Variants in DNMT3B observed in about 807,000 individuals in gnomAD.
DNMT3B encodes the protein DNA (cytosine-5)-methyltransferase 3B.
A neutral mutation model predicts 120.2 loss-of-function variants in DNMT3B; 37 were observed. The observed-to-expected ratio is 0.31, with a 90% CI of 0.24 to 0.40. The LOEUF (loss-of-function observed/expected upper bound fraction) is 0.40, where lower values mean the gene tolerates loss of function less well. Among genes scored for constraint, DNMT3B ranks in the 10% least tolerant of loss-of-function variants. The pLI, the probability that DNMT3B is intolerant of heterozygous loss-of-function variation, is 1.00. For missense variants in DNMT3B, 878 were observed against 1,137.3 expected, an observed-to-expected ratio of 0.77 and a Z score of 3.28; for synonymous variants, 412 against 442.8, an observed-to-expected ratio of 0.93 and a Z score of 0.87.
chr20:32,802,910 C>T (rs1008178331), intron 20 of DNMT3B, among the ~76,000 whole-genome samples: 1 of 152,198 alleles, frequency 6.6e-6, no homozygotes, highest in Non-Finnish European at 1.5e-5. Context: ...AGGGATCTCT[C>T]AAGACTTGAG....
rs781314471 is a variant in DNMT3B at position 32,791,619 on chromosome 20, G to A, written c.832G>A (p.Val278Met). ...CTTTTAGGTCTCTGCAGACAAACTG[G>A]TGGCACTGGGGCTGTTCAGCCAGCA... is the stretch of plus-strand genomic sequence containing the variant. ...KFSEVSADKL[V>M]ALGLFSQHFN... Residue 278 changes from valine to methionine, a missense_variant, in exon 8 of 23, where the codon GTG becomes ATG. This residue lies in a region of DNMT3B where 50 missense variants were observed against 89.7 expected (regional missense o/e 0.56). Transcript: ENST00000328111. 1 of 1,614,134 alleles carries A rather than the reference G, an allele frequency of 6.2e-7. No individual in the cohort carries two copies. The highest frequency in any genetic ancestry group is 2.2e-5 in the East Asian group (1 of 44,882).
chr20:32,786,630 T>A lies in DNMT3B; in HGVS notation c.432+3T>A. On this transcript the variant is annotated splice_donor_region_variant and intron_variant, in intron 5 of 22. Coordinates refer to ENST00000328111, the MANE Select transcript of DNMT3B (RefSeq NM_006892.4). ...CCGTGGAGTTCCCGGCTACCAGGGT[T>A]GGTTCCCCAGATGCCCAGACCCCTG... The A allele has an allele frequency of 6.2e-7, 1 of 1,613,832 alleles. No individual in the cohort carries two copies. The highest frequency in any genetic ancestry group is 8.5e-7 in the Non-Finnish European group (1 of 1,180,050).
chr20:32,779,022 C>T (rs1988227085), intron 1 of DNMT3B, among the ~76,000 whole-genome samples: 1 of 152,120 alleles, frequency 6.6e-6, no homozygotes, highest in African/African-American at 2.4e-5. Flanking sequence ...GGTTGTCTGG[C>T]AGGGGCTGGT....
At chr20:32,799,044 T>C (rs906567623) in intron 15 of DNMT3B, among the ~76,000 whole-genome samples, 200 bp from the exon 16 acceptor site, 3 of 152,200 alleles carry the variant, frequency 2.0e-5, no homozygotes, top group African/African-American at 7.2e-5. Flanking sequence ...TGTCCAAGGA[T>C]AAATTGACCA....
chr20:32,762,538 C>A lies in DNMT3B; in HGVS notation c.-168C>A, dbSNP rs769753862. ...GCGAGCGGGCGGCAACGCTGCCCGGCCGGCAGCGCTGGGGTTAAGTGGCCC... is the reference window on the plus strand; with the variant it reads ...GCGAGCGGGCGGCAACGCTGCCCGGACGGCAGCGCTGGGGTTAAGTGGCCC... On this transcript the variant is annotated 5_prime_UTR_variant, in exon 1 of 23. Transcript: ENST00000328111. 7 of 334,366 alleles carry A rather than the reference C, an allele frequency of 2.1e-5. No individual in the cohort carries two copies. The highest frequency in any genetic ancestry group is 1.4e-4 in the South Asian group (6 of 44,058). 20.7% of individuals were successfully genotyped at this position (334,366 alleles called of 1,614,324 possible). A position where few individuals can be genotyped will look rare whatever the true frequency, so the allele number is the denominator to read the frequency against.
At chr20:32,779,968 C>A in intron 1 of DNMT3B, 1 of 1,050,598 alleles carries the variant, frequency 9.5e-7, no homozygotes, top group Non-Finnish European at 1.4e-6. Flanking sequence ...AGGCTGGCGG[C>A]AGACGGGCCG....
intron 1 of DNMT3B, chr20:32,779,769 G>A (rs1978351872): frequency 2.2e-6 from 1 of 445,688 alleles, no homozygotes; most frequent in Admixed American, 3.5e-5. Flanking sequence ...GGGTGAGGCG[G>A]GGCTTGTGCT....
At position 32,780,367 on chromosome 20, in the gene DNMT3B, GCGGGAGGGAAGACTCGATCCTCGTCAA is replaced by G. The variant is rs1305566459; in HGVS notation, c.49_75del (p.Arg17_Gly25del). 1 of 1,614,042 alleles carries G rather than the reference GCGGGAGGGAAGACTCGATCCTCGTCAA, an allele frequency of 6.2e-7. No individual in the cohort carries two copies. Among genetic ancestry groups the G allele is most frequent in the Admixed American group, 1.7e-5 (1 of 60,018 alleles). ...CATCTCAATGGAGAGGAGGACGCCG[GCGGGAGGGAAGACTCGATCCTCGTCAA>G]CGGGGCCTGCAGCGACCAGTCCTCC... On this transcript the variant is annotated inframe_deletion, in exon 2 of 23. Transcript: ENST00000328111.
intron 21 of DNMT3B, among the ~76,000 whole-genome samples, 183 bp from the exon 22 acceptor site, chr20:32,806,026 T>C (rs577651897): frequency 1.3e-5 from 2 of 152,248 alleles, no homozygotes; most frequent in African/African-American, 4.8e-5. Flanking sequence ...CTCCCTGCCC[T>C]GCCATTCCTC....
At chr20:32,779,977 C>A (rs1227380729) in intron 1 of DNMT3B, 1 of 1,156,778 alleles carries the variant, frequency 8.6e-7, no homozygotes, top group South Asian at 1.4e-5. Context: ...GCAGACGGGC[C>A]GGGACAGGCA....
At chr20:32,789,152 T>G in intron 7 of DNMT3B, 140 bp downstream of exon 7, 7 of 1,318,184 alleles carry the variant, frequency 5.3e-6, no homozygotes, top group Non-Finnish European at 7.2e-6. Flanking sequence ...AGGACAAAAC[T>G]TCCTGTGTTA....
intron 3 of DNMT3B, among the ~76,000 whole-genome samples, 194 bp downstream of exon 3, chr20:32,781,608 G>A (rs966920417): frequency 6.6e-6 from 1 of 152,208 alleles, no homozygotes; most frequent in African/African-American, 2.4e-5. Flanking sequence ...CTCTAATATG[G>A]TAGTCCCCTC....
intron 10 of DNMT3B, 64 bp downstream of exon 10, chr20:32,793,659 A>G (rs1980259238): frequency 6.4e-7 from 1 of 1,574,586 alleles, no homozygotes; most frequent in Admixed American, 1.7e-5. Flanking sequence ...ATTTCTTTGC[A>G]TATAAAATGG....
rs770074893 is a variant in DNMT3B at position 32,795,494 on chromosome 20, T to C, written c.1212T>C (p.Tyr404=). Residue 404 remains tyrosine, a synonymous_variant, in exon 11 of 23, where the codon TAT becomes TAC. Coordinates refer to ENST00000328111, the MANE Select transcript of DNMT3B (RefSeq NM_006892.4). The part of the protein sequence containing the change: ...PAPKRLKTNC[Y]NNGKDRGDED... ...CCAAGCGCCTCAAGACAAATTGCTA[T>C]AACAACGGCAAAGACCGAGGGGATG... 32 of 1,614,028 alleles carry C rather than the reference T, an allele frequency of 2.0e-5. No homozygotes were observed. The highest frequency in any genetic ancestry group is 2.3e-5 in the Non-Finnish European group (27 of 1,180,046).
intron 9 of DNMT3B, 88 bp downstream of exon 9, chr20:32,792,858 C>T (rs1980149538): frequency 1.3e-6 from 2 of 1,571,494 alleles, no homozygotes; most frequent in African/African-American, 1.4e-5. Context: ...TGCCCCACAC[C>T]CCACCCAGCT....
intron 22 of DNMT3B, among the ~76,000 whole-genome samples, chr20:32,806,636 A>T (rs150279869): frequency 4.7e-4 from 72 of 152,316 alleles, no homozygotes; most frequent in African/African-American, 1.7e-3. Flanking sequence ...CCAGTGAAAG[A>T]AAACCCCACA....
At chr20:32,801,450 T>G (rs1005416689) in intron 19 of DNMT3B, 24 bp downstream of exon 19, 2 of 1,613,444 alleles carry the variant, frequency 1.2e-6, no homozygotes, top group Admixed American at 1.7e-5. Flanking sequence ...GGGACCTGAT[T>G]GTCACAGACA....
chr20:32,768,951 C>T (rs1203060424), intron 1 of DNMT3B, among the ~76,000 whole-genome samples: 1 of 152,146 alleles, frequency 6.6e-6, no homozygotes, highest in East Asian at 1.9e-4. Flanking sequence ...CACCTGTGTC[C>T]TCATGTTGCC....
rs151190875 is a variant in DNMT3B at position 32,793,413 on chromosome 20, C to T, written c.1067-123C>T. The T allele has an allele frequency of 2.7e-3, 2,918 of 1,094,482 alleles. 75 individuals carry two copies. In the African/African-American group the frequency reaches 0.041, roughly 15 times the overall value. The allele number at this position is 1,094,482 out of a possible 1,614,324, so 67.8% of individuals were successfully genotyped here. Reference sequence around the variant, plus strand: ...AGCCCAGGAGGCAGAGGTTGCAGTGCGCCGAGATCGCACCACTGCATTCAA... The same window carrying T: ...AGCCCAGGAGGCAGAGGTTGCAGTGTGCCGAGATCGCACCACTGCATTCAA... On this transcript the variant is annotated intron_variant, in intron 9 of 22. Coordinates refer to ENST00000328111, the MANE Select transcript of DNMT3B (RefSeq NM_006892.4).
Sources: gnomAD v4.1 joint callset for allele counts (sites outside exome capture counted in the v4.1 genomes callset) on GRCh38, gnomAD v4.1.1 for gene constraint, gnomAD v4.1.1 regional missense constraint, MANE v1.5 for transcripts, NCBI Gene and HGNC (gene_info 2026-07-23, HGNC 2026-07-21) for gene names.